The following MECOM variants were observed in gnomAD, a reference collection of about 807,000 sequenced individuals.
MECOM encodes the protein histone-lysine N-methyltransferase MECOM.
A neutral mutation model predicts 116.3 loss-of-function variants in MECOM; 13 were observed. The observed-to-expected ratio is 0.11, with a 90% CI of 0.07 to 0.18. MECOM has a LOEUF of 0.18. Ranked by LOEUF, MECOM falls within the 10% of genes least tolerant of loss-of-function variation. The pLI, the probability that MECOM is intolerant of heterozygous loss-of-function variation, is 1.00. For synonymous variants in MECOM, 528 were observed against 535.2 expected (o/e 0.99, Z 0.19); for missense variants, 1,299 against 1,509.0 (o/e 0.86, Z 2.31).
chr3:169,324,438 C>T (rs570627608), intron 2 of MECOM, among the ~76,000 whole-genome samples: 1 of 152,348 alleles, frequency 6.6e-6, no homozygotes, highest in Admixed American at 6.5e-5. Flanking sequence ...TGCATACTTT[C>T]ACATCTGTCT....
intron 2 of MECOM, among the ~76,000 whole-genome samples, chr3:169,320,088 G>A (rs1720590283): frequency 6.6e-6 from 1 of 152,216 alleles, no homozygotes; most frequent in African/African-American, 2.4e-5. Context: ...AGAAATGGAT[G>A]TAGACAATCC....
chr3:169,136,370 G>T lies in MECOM; in HGVS notation c.511-4839C>A, dbSNP rs115629406. Among the ~76,000 whole-genome samples the T allele has an allele frequency of 1.8e-3, 278 of 150,908 alleles. 2 individuals are homozygous for T. Among genetic ancestry groups the T allele is most frequent in the Middle Eastern group, 3.5e-3 (1 of 284 alleles). On this transcript the variant is annotated intron_variant, in intron 3 of 16. Transcript: ENST00000651503. ...TATATAATAAGAATGAATGCTTCAT[G>T]GCACATGATTAATTCTTATTATATA...
At chr3:169,338,903 A>G (rs1050473331) in intron 2 of MECOM, among the ~76,000 whole-genome samples, 3 of 152,038 alleles carry the variant, frequency 2.0e-5, no homozygotes, top group African/African-American at 7.2e-5. Flanking sequence ...GGGCTTGGGG[A>G]AAAAAAGCTA....
intron 3 of MECOM, among the ~76,000 whole-genome samples, chr3:169,141,398 C>A (rs532326422): frequency 1.3e-5 from 2 of 152,032 alleles, no homozygotes; most frequent in African/African-American, 4.8e-5. Flanking sequence ...ATACCAGGGT[C>A]TCTCTCTATA....
chr3:169,147,279 C>T (rs879688954), intron 2 of MECOM: 1 of 985,400 alleles, frequency 1.0e-6, no homozygotes, highest in Admixed American at 6.1e-5. Context: ...GGAGCTCTAT[C>T]CCCCTTTCAG....
intron 1 of MECOM, among the ~76,000 whole-genome samples, chr3:169,463,378 G>A (rs964035297): frequency 7.2e-5 from 11 of 152,088 alleles, no homozygotes; most frequent in African/African-American, 1.4e-4. Flanking sequence ...AATTTGTAAT[G>A]GTTAAGTTAG....
intron 1 of MECOM, among the ~76,000 whole-genome samples, chr3:169,418,757 A>G (rs917067007): frequency 2.6e-5 from 4 of 152,052 alleles, no homozygotes; most frequent in African/African-American, 4.8e-5. Flanking sequence ...CAAAATAATA[A>G]GAGCTATTTA....
intron 2 of MECOM, among the ~76,000 whole-genome samples, chr3:169,248,133 A>T (rs1427611619): frequency 1.3e-5 from 2 of 152,204 alleles, no homozygotes; most frequent in East Asian, 3.8e-4. Context: ...ATGTATTTAG[A>T]AGTTTCAAGT....
chr3:169,111,078 T>C (rs915139149), intron 9 of MECOM, among the ~76,000 whole-genome samples: 2 of 152,230 alleles, frequency 1.3e-5, no homozygotes, highest in African/African-American at 2.4e-5. Context: ...GCCCATCTTA[T>C]GAACTGGTAA....
intron 5 of MECOM, 125 bp downstream of exon 5, chr3:169,127,719 T>C (rs568489199): frequency 8.4e-6 from 6 of 718,072 alleles, no homozygotes; most frequent in Non-Finnish European, 4.9e-6. Context: ...TTTCTGAACA[T>C]GTCACGAGTG....
intron 1 of MECOM, among the ~76,000 whole-genome samples, chr3:169,502,247 G>C (rs1754631614): frequency 6.6e-6 from 1 of 152,042 alleles, no homozygotes; most frequent in Non-Finnish European, 1.5e-5. Context: ...CCACTCATTG[G>C]AGTCCTTTCT....
intron 1 of MECOM, among the ~76,000 whole-genome samples, chr3:169,403,367 T>G (rs1736182219): frequency 6.6e-6 from 1 of 152,264 alleles, no homozygotes; most frequent in South Asian, 2.1e-4. Flanking sequence ...ACATTATTTA[T>G]GATTATTGTA....
At chr3:169,422,447 A>G (rs1319808944) in intron 1 of MECOM, among the ~76,000 whole-genome samples, 3 of 152,182 alleles carry the variant, frequency 2.0e-5, no homozygotes, top group South Asian at 4.1e-4. Context: ...ACAGCAAATT[A>G]CAGAGAAAGA....
At chr3:169,403,646 C>T (rs145572386) in intron 1 of MECOM, among the ~76,000 whole-genome samples, 4 of 152,158 alleles carry the variant, frequency 2.6e-5, no homozygotes, top group African/African-American at 7.2e-5. Context: ...AAGAGAATGA[C>T]GATAAATCCC....
intron 2 of MECOM, among the ~76,000 whole-genome samples, chr3:169,203,369 A>T (rs1559988042): frequency 6.6e-6 from 1 of 152,152 alleles, no homozygotes; most frequent in Non-Finnish European, 1.5e-5. Flanking sequence ...TTGGAGTCTA[A>T]GTTTGACACT....
intron 2 of MECOM, among the ~76,000 whole-genome samples, chr3:169,247,012 AT>A (rs952579568): frequency 3.1e-4 from 47 of 152,242 alleles, no homozygotes; most frequent in Non-Finnish European, 1.6e-4. Flanking sequence ...ATTTAAAGAG[AT>A]TTTTTTAAGG....
intron 2 of MECOM, among the ~76,000 whole-genome samples, chr3:169,378,587 T>A (rs1718230): frequency 0.44 from 10,427 of 23,606 alleles, 2,243 homozygotes; most frequent in Middle Eastern, 0.5. Context: ...AGAAAGAAAG[T>A]AAGTAAGTAA....
intron 8 of MECOM, 33 bp from the exon 9 acceptor site, chr3:169,112,907 G>A (rs969379518): frequency 6.8e-7 from 1 of 1,463,832 alleles, no homozygotes; most frequent in South Asian, 1.1e-5. Context: ...TGGAGATGAA[G>A]CAGTCTCACA....
intron 1 of MECOM, among the ~76,000 whole-genome samples, chr3:169,414,086 TGAGAGG>T (rs765936994): frequency 3.5e-4 from 53 of 152,182 alleles, no homozygotes; most frequent in Non-Finnish European, 6.0e-4. Context: ...CCGTGCCTCC[TGAGAGG>T]GAGATATCTC....
Sources: allele counts gnomAD v4.1 joint callset (sites outside exome capture counted in the v4.1 genomes callset), GRCh38; gene constraint gnomAD v4.1.1; transcripts MANE v1.5; gene names NCBI Gene and HGNC (gene_info 2026-07-23, HGNC 2026-07-21).